The following ZNF577 variants were observed in gnomAD, a reference collection of about 807,000 sequenced individuals.
ZNF577 encodes the protein zinc finger protein 577.
In ZNF577, 14 loss-of-function variants were observed where a neutral mutation model predicts 13.9. That is an observed-to-expected ratio of 1.00 (90% CI 0.66 to 1.57). ZNF577 has a LOEUF of 1.57. Among genes scored for constraint, ZNF577 ranks in the 40% most tolerant of loss-of-function variants. The probability of loss-of-function intolerance (pLI) is 0.00; values close to 1 mark genes in which losing one functional copy is unlikely to be tolerated. For synonymous variants in ZNF577, 203 were observed against 202.9 expected (o/e 1.00, Z 0.00); for missense variants, 555 against 579.2 (o/e 0.96, Z 0.43).
Position 51,877,065 on chromosome 19 carries a change from C to T in ZNF577, c.283+217G>A, listed in dbSNP as rs529974813. 3.3e-5 allele frequency among the ~76,000 whole-genome samples: 5 copies of T among 152,170 alleles called. No individual in the cohort carries two copies. In the South Asian group the frequency reaches 1.0e-3, roughly 32 times the overall value. On this transcript the variant is annotated intron_variant, in intron 5 of 5. Transcript: ENST00000638348. Reference sequence around the variant, plus strand: ...AATTCAAGGTCTTCGATGACATGGACTGAAATCAGATCCAGAAAATAGAAG... The same window carrying T: ...AATTCAAGGTCTTCGATGACATGGATTGAAATCAGATCCAGAAAATAGAAG...
intron 1 of ZNF577, among the ~76,000 whole-genome samples, chr19:51,884,175 G>A (rs1021065960): frequency 6.6e-6 from 1 of 152,190 alleles, no homozygotes; most frequent in African/African-American, 2.4e-5. Flanking sequence ...ACTTTGGGAA[G>A]CCGAGGCAGA....
Position 51,824,766 on chromosome 19 carries a change from A to G in ZNF577, c.*600-13092T>C, listed in dbSNP as rs375890880. On this transcript the variant is annotated intron_variant and NMD_transcript_variant, in intron 9 of 10. Coordinates refer to the ZNF577 transcript ENST00000638827. This position sits in a 1 kb window ranked among gnomAD's most constrained non-coding sequence, Gnocchi z 4.7. Reference sequence around the variant, plus strand: ...AGCCCAGACCAGCAACACAGACACCACTTCTGCTTCACCTCCTGAGGAGAC... The same window carrying G: ...AGCCCAGACCAGCAACACAGACACCGCTTCTGCTTCACCTCCTGAGGAGAC... 8.5e-5 allele frequency: 137 copies of G among 1,613,494 alleles called. No individual in the cohort carries two copies. The highest frequency in any genetic ancestry group is 1.2e-4 in the Non-Finnish European group (136 of 1,179,862).
At chr19:51,814,998 C>T (rs1010487496) in intron 9 of ZNF577, among the ~76,000 whole-genome samples, 11 of 150,110 alleles carry the variant, frequency 7.3e-5, no homozygotes, top group Admixed American at 2.0e-4. Context: ...TTAGTAGAGG[C>T]GGGGTTTCAC....
intron 10 of ZNF577, among the ~76,000 whole-genome samples, chr19:51,806,609 G>A (rs2084060597): frequency 6.6e-6 from 1 of 152,218 alleles, no homozygotes; most frequent in African/African-American, 2.4e-5. Flanking sequence ...AGGATTATAA[G>A]GAATTCCTGT....
Position 51,852,964 on chromosome 19 carries a change from T to C in ZNF577, c.284-8033A>G, listed in dbSNP as rs183581795. 8.6e-3 allele frequency among the ~76,000 whole-genome samples: 1,256 copies of C among 146,390 alleles called. 18 individuals are homozygous for C. The highest frequency in any genetic ancestry group is 0.03 in the African/African-American group (1,154 of 38,862). Reference sequence around the variant, plus strand: ...TTTTTTCTTTGAGACAGGGTTTCACTCCCATTGCCCAGGCTGGAGTGCAGT... The same window carrying C: ...TTTTTTCTTTGAGACAGGGTTTCACCCCCATTGCCCAGGCTGGAGTGCAGT... On this transcript the variant is annotated intron_variant and NMD_transcript_variant, in intron 5 of 10. Coordinates refer to the ZNF577 transcript ENST00000638827.
Position 51,807,134 on chromosome 19 carries a change from G to C in ZNF577, c.*818-1880C>G, listed in dbSNP as rs549618525. 2.0e-5 allele frequency among the ~76,000 whole-genome samples: 3 copies of C among 152,288 alleles called. No individual in the cohort carries two copies. The South Asian group carries it at 6.2e-4, about 32-fold the overall frequency. ...GAGTATATTTGGAAGAAGCGGTCAGGGGGCAGCTTGCCTCTAGTGGACAAT... is the reference window on the plus strand; with the variant it reads ...GAGTATATTTGGAAGAAGCGGTCAGCGGGCAGCTTGCCTCTAGTGGACAAT... On this transcript the variant is annotated intron_variant and NMD_transcript_variant, in intron 10 of 10. Coordinates refer to the ZNF577 transcript ENST00000638827.
At chr19:51,832,689 T>G (rs2122520904) in intron 9 of ZNF577, among the ~76,000 whole-genome samples, 1 of 152,362 alleles carries the variant, frequency 6.6e-6, no homozygotes, top group Non-Finnish European at 1.5e-5. Context: ...TTTAAATCTA[T>G]AATCCATCTT....
At chr19:51,882,992 A>C (rs1276243898) in intron 1 of ZNF577, among the ~76,000 whole-genome samples, 1 of 146,902 alleles carries the variant, frequency 6.8e-6, no homozygotes, top group African/African-American at 2.6e-5. Context: ...TTTTAAAAAA[A>C]ATTTTTTTTT....
rs755324777 is a variant in ZNF577 at position 51,824,366 on chromosome 19, C to T, written c.*600-12692G>A. 2 of 1,614,150 alleles carry T rather than the reference C, an allele frequency of 1.2e-6. No homozygotes were observed. Among genetic ancestry groups the T allele is most frequent in the Non-Finnish European group, 8.5e-7 (1 of 1,180,018 alleles). On this transcript the variant is annotated intron_variant and NMD_transcript_variant, in intron 9 of 10. Transcript: ENST00000638827. This position sits in a 1 kb window ranked among gnomAD's most constrained non-coding sequence, Gnocchi z 4.7. ...CCAAGGTCTTTCTGATCCTCCACTT[C>T]ATTATTGGCTTCAGCGTGCCTATGT...
chr19:51,869,590 A>G lies in ZNF577; in HGVS notation c.*2942T>C, dbSNP rs1245004991. On this transcript the variant is annotated 3_prime_UTR_variant, in exon 6 of 6. Coordinates refer to ENST00000638348, the MANE Select transcript of ZNF577 (RefSeq NM_001370449.1). ...TGCTGAGCACCGGTCCCCTGGGGCC[A>G]CTGTTCTTTCTCTACTTTGTCTCTG... is the stretch of plus-strand genomic sequence containing the variant. 6.6e-6 allele frequency among the ~76,000 whole-genome samples: 1 copy of G among 151,108 alleles called. No individual in the cohort carries two copies. Among genetic ancestry groups the G allele is most frequent in the African/African-American group, 2.4e-5 (1 of 41,342 alleles).
At chr19:51,834,123 C>T (rs1181842432) in intron 9 of ZNF577, among the ~76,000 whole-genome samples, 1 of 152,078 alleles carries the variant, frequency 6.6e-6, no homozygotes, top group Admixed American at 6.6e-5. Flanking sequence ...CAGGGTCTTG[C>T]TCTGTCACCC....
chr19:51,873,619 T>G lies in ZNF577; in HGVS notation c.371A>C (p.Asp124Ala), dbSNP rs1460756018. The change falls in exon 6 of 6, where the codon GAC becomes GCC. Residue 124 changes from aspartate to alanine, a missense_variant. Asp to Ala is a moderately radical substitution (Grantham distance 126). Transcript: ENST00000638348. ...YGRSCLHIKR[D>A]KTLTGVKYHR... ...GTATTTAACTCCAGTAAGAGTTTTG[T>G]CACGCTTGATATGGAGGCATGATCT... The G allele has an allele frequency of 6.2e-7, 1 of 1,614,220 alleles. No individual in the cohort carries two copies. The highest frequency in any genetic ancestry group is 8.5e-7 in the Non-Finnish European group (1 of 1,180,038).
intron 5 of ZNF577, among the ~76,000 whole-genome samples, chr19:51,876,926 C>CAA (rs536127907): frequency 3.8e-4 from 23 of 60,860 alleles, no homozygotes; most frequent in African/African-American, 1.0e-3. Context: ...GACTCCGTCT[C>CAA]AAAAAAAAAA....
rs55937420 is a variant in ZNF577 at position 51,855,367 on chromosome 19, CTGTGTGTGTGTG to C, written c.284-10448_284-10437del. On this transcript the variant is annotated intron_variant and NMD_transcript_variant, in intron 5 of 10. Transcript: ENST00000638827. ...AGTTTTCCACTCTTTGCTGAGGGTGCTGTGTGTGTGTGTGTGTGTGTGTGTGTGTGTGTGTGT... is the reference window on the plus strand; with the variant it reads ...AGTTTTCCACTCTTTGCTGAGGGTGCTGTGTGTGTGTGTGTGTGTGTGTGT... Among the ~76,000 whole-genome samples, 480 of 143,548 alleles carry C rather than the reference CTGTGTGTGTGTG, an allele frequency of 3.3e-3. 6 individuals are homozygous for C. The highest frequency in any genetic ancestry group is 9.5e-3 in the African/African-American group (362 of 38,080). The allele number at this position is 143,548 out of a possible 152,430, so 94.2% of individuals were successfully genotyped here. A position where few individuals can be genotyped will look rare whatever the true frequency, so the allele number is the denominator to read the frequency against.
chr19:51,879,668 G>A (rs1200702418), intron 3 of ZNF577, among the ~76,000 whole-genome samples: 1 of 152,180 alleles, frequency 6.6e-6, no homozygotes, highest in Non-Finnish European at 1.5e-5. Flanking sequence ...TATTCTACCA[G>A]ATGTCAATCA....
intron 8 of ZNF577, chr19:51,840,887 T>G (rs2084316683): frequency 6.6e-6 from 1 of 152,206 alleles, no homozygotes; most frequent in Admixed American, 6.5e-5. Flanking sequence ...ACTTGAGAAC[T>G]TTTAAAATGA....
intron 9 of ZNF577, among the ~76,000 whole-genome samples, chr19:51,833,795 T>C (rs2084273425): frequency 6.6e-6 from 1 of 152,182 alleles, no homozygotes; most frequent in Non-Finnish European, 1.5e-5. Flanking sequence ...ACTGATTTTA[T>C]GAGGCTGGAA....
intron 8 of ZNF577, chr19:51,840,928 T>A (rs1403358546): frequency 6.6e-6 from 1 of 152,214 alleles, no homozygotes; most frequent in Non-Finnish European, 1.5e-5. Context: ...GAATAAAGTA[T>A]AGAGTTGAAA....
At chr19:51,844,214 ACAATAAC>A (rs1470431584) in intron 6 of ZNF577, among the ~76,000 whole-genome samples, 1 of 152,182 alleles carries the variant, frequency 6.6e-6, no homozygotes, top group African/African-American at 2.4e-5. Flanking sequence ...AATAATCTGC[ACAATAAC>A]CCTTGTTTAA....
Sources: gnomAD v4.1 joint callset for allele counts (sites outside exome capture counted in the v4.1 genomes callset) on GRCh38, gnomAD v4.1.1 for gene constraint, Gnocchi (gnomAD v3.1) non-coding constraint, MANE v1.5 for transcripts, NCBI Gene and HGNC (gene_info 2026-07-23, HGNC 2026-07-21) for gene names.